RBFOX1: variants seen among roughly 807,000 people sequenced by gnomAD.
RBFOX1 encodes the protein RNA binding protein fox-1 homolog 1.
RBFOX1 carries 8 observed loss-of-function variants against 57.7 expected under a neutral mutation model. That is an observed-to-expected ratio of 0.14 (90% CI 0.08 to 0.25). The LOEUF is 0.25. Among genes scored for constraint, RBFOX1 ranks in the 10% least tolerant of loss-of-function variants. The pLI is 1.00. For missense variants in RBFOX1, 611 were observed against 548.5 expected, an observed-to-expected ratio of 1.11 and a Z score of -1.14; for synonymous variants, 326 against 222.4, an observed-to-expected ratio of 1.47 and a Z score of -4.15.
intron 2 of RBFOX1, among the ~76,000 whole-genome samples, chr16:5,591,518 T>G (rs1247139103): frequency 6.6e-6 from 1 of 152,190 alleles, no homozygotes; most frequent in Non-Finnish European, 1.5e-5. Flanking sequence ...CCCAAAGTGC[T>G]GGGATTACAG....
chr16:6,814,696 A>G lies in RBFOX1; in HGVS notation c.-16+160046A>G, dbSNP rs115723861. On this transcript the variant is annotated intron_variant, in intron 3 of 15. Coordinates refer to ENST00000550418, the MANE Select transcript of RBFOX1 (RefSeq NM_018723.4). ...CCAAGCACAGGGAGCAGCATGTGGA[A>G]GGTCTTGGAAACCTGAGGAAGTGAA... 2.3e-3 allele frequency among the ~76,000 whole-genome samples: 344 copies of G among 152,258 alleles called. 3 individuals carry two copies. Among genetic ancestry groups the G allele is most frequent in the Middle Eastern group, 6.8e-3 (2 of 294 alleles).
chr16:5,728,033 A>C (rs1352842500), intron 3 of RBFOX1, among the ~76,000 whole-genome samples: 1 of 152,208 alleles, frequency 6.6e-6, no homozygotes, highest in African/African-American at 2.4e-5. Context: ...TCTAAATATA[A>C]GTGAGCTTTG....
At chr16:5,594,846 G>A (rs1274600347) in intron 2 of RBFOX1, among the ~76,000 whole-genome samples, 7 of 151,810 alleles carry the variant, frequency 4.6e-5, no homozygotes, top group Non-Finnish European at 1.5e-5. Context: ...ACACAAAAAT[G>A]TGTGGCTGAA....
chr16:6,406,063 T>G (rs1167928242), intron 2 of RBFOX1, among the ~76,000 whole-genome samples: 1 of 152,216 alleles, frequency 6.6e-6, no homozygotes, highest in African/African-American at 2.4e-5. Flanking sequence ...CTCACATATG[T>G]CCTGGTGGAT....
chr16:6,473,343 CAAAA>C (rs1231668505), intron 2 of RBFOX1, among the ~76,000 whole-genome samples: 1 of 152,092 alleles, frequency 6.6e-6, no homozygotes, highest in Non-Finnish European at 1.5e-5. Context: ...TTGAACGAAA[CAAAA>C]GAAAGGAGTC....
chr16:7,052,110 T>A lies in RBFOX1; in HGVS notation c.27+12T>A. On this transcript the variant is annotated intron_variant, in intron 4 of 15. Transcript: ENST00000550418. ...GAGAGCAGCTAAGGGTAGGTGCACCTGCTTGTAAAATGCTTCCTGATTCTC... is the reference window on the plus strand; with the variant it reads ...GAGAGCAGCTAAGGGTAGGTGCACCAGCTTGTAAAATGCTTCCTGATTCTC... 3.1e-6 allele frequency: 5 copies of A among 1,594,668 alleles called. No homozygotes were observed. Among genetic ancestry groups the A allele is most frequent in the Non-Finnish European group, 3.4e-6 (4 of 1,174,746 alleles).
At chr16:6,799,716 C>T (rs942577916) in intron 3 of RBFOX1, among the ~76,000 whole-genome samples, 2 of 152,086 alleles carry the variant, frequency 1.3e-5, no homozygotes, top group African/African-American at 4.8e-5. Flanking sequence ...TCGTCTTTCT[C>T]CTGTGCTGGA....
intron 4 of RBFOX1, among the ~76,000 whole-genome samples, chr16:5,944,388 G>C (rs2059349194): frequency 6.6e-6 from 1 of 152,182 alleles, no homozygotes; most frequent in African/African-American, 2.4e-5. Flanking sequence ...ATACATAGCA[G>C]TTACATGAAG....
intron 2 of RBFOX1, among the ~76,000 whole-genome samples, chr16:6,331,290 A>C (rs1261678828): frequency 6.6e-6 from 1 of 152,096 alleles, no homozygotes; most frequent in African/African-American, 2.4e-5. Flanking sequence ...TAATAAAAGT[A>C]CAAAAAATTA....
At chr16:7,113,442 T>C (rs1422214046) in intron 4 of RBFOX1, among the ~76,000 whole-genome samples, 1 of 152,218 alleles carries the variant, frequency 6.6e-6, no homozygotes, top group African/African-American at 2.4e-5. Flanking sequence ...TCTCCTCCTG[T>C]TGACAATATC....
chr16:5,689,376 G>A (rs1042994676), intron 3 of RBFOX1, among the ~76,000 whole-genome samples: 7 of 152,214 alleles, frequency 4.6e-5, no homozygotes, highest in African/African-American at 1.7e-4. Flanking sequence ...CTGGGTTACA[G>A]GAAGCAATTG....
intron 4 of RBFOX1, among the ~76,000 whole-genome samples, chr16:7,484,080 C>G (rs1360482819): frequency 6.6e-6 from 1 of 152,172 alleles, no homozygotes; most frequent in Admixed American, 6.5e-5. Context: ...TAAATGGAAT[C>G]ATACTGTGCA....
At chr16:6,641,974 A>T (rs776216139) in intron 2 of RBFOX1, among the ~76,000 whole-genome samples, 9 of 152,024 alleles carry the variant, frequency 5.9e-5, no homozygotes, top group Non-Finnish European at 8.8e-5. Flanking sequence ...ATTCACAGGA[A>T]CCCGTCAATG....
intron 4 of RBFOX1, among the ~76,000 whole-genome samples, chr16:7,073,550 G>T (rs534254338): frequency 6.6e-6 from 1 of 152,196 alleles, no homozygotes; most frequent in South Asian, 2.1e-4. Flanking sequence ...GTCCAGTAAT[G>T]ATAAATACCA....
At chr16:6,531,267 C>A (rs923201134) in intron 2 of RBFOX1, among the ~76,000 whole-genome samples, 2 of 152,156 alleles carry the variant, frequency 1.3e-5, no homozygotes, top group African/African-American at 4.8e-5. Flanking sequence ...AGACTTCTAA[C>A]TGGGGAAAGA....
chr16:7,670,660 C>G (rs1017025052), intron 13 of RBFOX1, among the ~76,000 whole-genome samples: 2 of 152,136 alleles, frequency 1.3e-5, no homozygotes, highest in Non-Finnish European at 2.9e-5. Flanking sequence ...TAAGCTTAGA[C>G]TTTTAACATA....
intron 3 of RBFOX1, among the ~76,000 whole-genome samples, chr16:7,047,349 A>G (rs75241881): frequency 0.016 from 2,444 of 152,204 alleles, 72 homozygotes; most frequent in African/African-American, 0.056. Context: ...CAGTATTTCA[A>G]TAACTGTGTG....
intron 4 of RBFOX1, among the ~76,000 whole-genome samples, chr16:5,990,396 C>G (rs2060371661): frequency 2.0e-5 from 3 of 152,218 alleles, no homozygotes. Context: ...GAGCACTGGA[C>G]AAAGCATTTC....
At chr16:7,242,326 C>T (rs1472754109) in intron 4 of RBFOX1, among the ~76,000 whole-genome samples, 1 of 152,148 alleles carries the variant, frequency 6.6e-6, no homozygotes, top group African/African-American at 2.4e-5. Context: ...CATGACATAT[C>T]ATCATTGGAA....
Sources: allele counts gnomAD v4.1 joint callset (sites outside exome capture counted in the v4.1 genomes callset), GRCh38; gene constraint gnomAD v4.1.1; transcripts MANE v1.5; gene names NCBI Gene and HGNC (gene_info 2026-07-23, HGNC 2026-07-21).